PHGR1: variants seen among roughly 807,000 people sequenced by gnomAD.
PHGR1 encodes proline, histidine and glycine rich 1.
Under a neutral mutation model 4.9 loss-of-function variants are expected in PHGR1, and 3 were observed. The observed-to-expected ratio is 0.61, with a 90% CI of 0.28 to 1.58. The LOEUF (loss-of-function observed/expected upper bound fraction) is 1.58, where lower values mean the gene tolerates loss of function less well. Among genes scored for constraint, PHGR1 ranks in the 40% most tolerant of loss-of-function variants. PHGR1 has a pLI of 0.11. For synonymous variants in PHGR1, 32 were observed against 46.1 expected (o/e 0.69, Z 1.24); for missense variants, 81 against 118.7 (o/e 0.68, Z 1.48).
chr15:40,354,219 T>G, intron 2 of PHGR1, 126 bp from the exon 3 acceptor site: 1 of 963,074 alleles, frequency 1.0e-6, no homozygotes, highest in Non-Finnish European at 1.6e-6. Context: ...TGACCATGTC[T>G]GAGAGGCCCT....
At chr15:40,355,861 T>C (rs1399593106) in intron 3 of PHGR1, among the ~76,000 whole-genome samples, 2 of 152,154 alleles carry the variant, frequency 1.3e-5, no homozygotes, top group Non-Finnish European at 2.9e-5. Flanking sequence ...AACCAATAAA[T>C]CTAGGTTGCT....
chr15:40,355,474 C>T (rs573769367), intron 3 of PHGR1, among the ~76,000 whole-genome samples: 65 of 151,988 alleles, frequency 4.3e-4, no homozygotes, highest in African/African-American at 1.5e-3. Flanking sequence ...AAATATGGCA[C>T]ACACCGTCTA....
rs915768547 is a variant in PHGR1, at chr15:40,356,053, G to C, written c.19-20G>C. The C allele has an allele frequency of 1.9e-6, 3 of 1,548,480 alleles. No individual in the cohort carries two copies. Among genetic ancestry groups the C allele is most frequent in the South Asian group, 2.4e-5 (2 of 84,032 alleles). ...AGCCCTGACCTCTGACTCTGACATT[G>C]TTCATTTGACTTTCCACAGGGGCAC... On this transcript the variant is annotated intron_variant, in intron 3 of 3. Transcript: ENST00000448599.
chr15:40,353,043 G>T (rs1392041026), intron 1 of PHGR1, among the ~76,000 whole-genome samples, 189 bp from the exon 2 acceptor site: 2 of 152,028 alleles, frequency 1.3e-5, no homozygotes. Flanking sequence ...GGCACCTACA[G>T]TGCCAGCTCT....
chr15:40,353,288 G>T, intron 2 of PHGR1, 21 bp downstream of exon 2: 1 of 1,551,638 alleles, frequency 6.4e-7, no homozygotes, highest in Non-Finnish European at 8.7e-7. Context: ...TGGCTGAGAG[G>T]CTGGGAATTG....
In PHGR1 at chr15:40,356,135, T is replaced by C. The variant is rs1011319387; in HGVS notation, c.81T>C (p.His27=). 1.9e-6 allele frequency: 3 copies of C among 1,545,532 alleles called. No individual in the cohort carries two copies. In the African/African-American group the frequency reaches 4.1e-5, roughly 21 times the overall value. ...GTCACTGCGGGCCACCCCCTGGCCA[T>C]GGCCCAGGGCCCTGCGGGCCACCCC... ...PPGHCGPPPG[H]GPGPCGPPPH... Residue 27 remains histidine, a synonymous_variant, in exon 4 of 4, where the codon CAT becomes CAC. Transcript: ENST00000448599.
chr15:40,355,532 C>T (rs545683612), intron 3 of PHGR1, among the ~76,000 whole-genome samples: 23 of 152,286 alleles, frequency 1.5e-4, no homozygotes, highest in African/African-American at 5.3e-4. Context: ...CCTCACCTTG[C>T]CACCTCCTAC....
chr15:40,353,986 G>A (rs377696196), intron 2 of PHGR1, among the ~76,000 whole-genome samples: 5 of 152,298 alleles, frequency 3.3e-5, no homozygotes, highest in South Asian at 2.1e-4. Flanking sequence ...CTGCTGGCCT[G>A]GAGGTAGAAG....
At chr15:40,354,248 G>C in intron 2 of PHGR1, 97 bp from the exon 3 acceptor site, 1 of 1,393,860 alleles carries the variant, frequency 7.2e-7, no homozygotes, top group Non-Finnish European at 9.8e-7. Flanking sequence ...AGGGGTGTGG[G>C]CACAAAATCC....
At chr15:40,354,208 G>A in intron 2 of PHGR1, 137 bp from the exon 3 acceptor site, 1 of 851,086 alleles carries the variant, frequency 1.2e-6, no homozygotes, top group South Asian at 1.6e-5. Flanking sequence ...TGTCAGGCAA[G>A]TGACCATGTC....
intron 1 of PHGR1, among the ~76,000 whole-genome samples, chr15:40,351,414 T>C (rs1169173456): frequency 6.6e-6 from 1 of 152,172 alleles, no homozygotes; most frequent in Non-Finnish European, 1.5e-5. Context: ...CTGAGGATTG[T>C]CTTTTCTCTT....
chr15:40,356,171 T>TGCGGGCCACCCCCCCACCATGGC lies in PHGR1; in HGVS notation c.117_118insGCGGGCCACCCCCCCACCATGGC (p.Pro40AlafsTer76), dbSNP rs2141255920. 4 of 963,850 alleles carry TGCGGGCCACCCCCCCACCATGGC rather than the reference T, an allele frequency of 4.2e-6. No individual in the cohort carries two copies. The East Asian group carries it at 1.2e-4, about 28-fold the overall frequency. 59.7% of individuals were successfully genotyped at this position (963,850 alleles called of 1,614,324 possible). A position where few individuals can be genotyped will look rare whatever the true frequency, so the allele number is the denominator to read the frequency against. ...CCTGCGGGCCACCCCCCCACCATGGTCCAGGGCCCTGCGGGCCACCCCCTG... is the reference window on the plus strand; with the variant it reads ...CCTGCGGGCCACCCCCCCACCATGGTGCGGGCCACCCCCCCACCATGGCCCAGGGCCCTGCGGGCCACCCCCTG... On this transcript the variant is annotated frameshift_variant, in exon 4 of 4. Transcript: ENST00000448599. LOFTEE classifies it low-confidence loss of function (END_TRUNC).
chr15:40,356,341 G>C lies in PHGR1; in HGVS notation c.*38G>C. On this transcript the variant is annotated 3_prime_UTR_variant, in exon 4 of 4. Transcript: ENST00000448599. ...AAACAGGACACAAGATGGCAAGCCT[G>C]AGAGAATTGCCCAGCTGACCTGGAA... 6.5e-7 allele frequency: 1 copy of C among 1,549,602 alleles called. No homozygotes were observed. The highest frequency in any genetic ancestry group is 8.7e-7 in the Non-Finnish European group (1 of 1,146,548).
intron 1 of PHGR1, among the ~76,000 whole-genome samples, chr15:40,352,187 A>G (rs1023040027): frequency 1.3e-5 from 2 of 152,136 alleles, no homozygotes; most frequent in Non-Finnish European, 2.9e-5. Context: ...TGTATGACAA[A>G]GTGAGACTGT....
chr15:40,354,204 G>GC (rs1889252849), intron 2 of PHGR1, 141 bp from the exon 3 acceptor site: 2 of 809,860 alleles, frequency 2.5e-6, no homozygotes, highest in Non-Finnish European at 3.9e-6. Flanking sequence ...TGATTGTCAG[G>GC]CAAGTGACCA....
chr15:40,356,197 G>GCCCAGGGCCCTGCGGGCCACCCCCCCA lies in PHGR1; in HGVS notation c.145_146insCAGGGCCCTGCGGGCCACCCCCCCACC (p.Gly48_His49insProGlyProCysGlyProProProHis). ...CCAGGGCCCTGCGGGCCACCCCCTG[G>GCCCAGGGCCCTGCGGGCCACCCCCCCA]CCATGGCCCAGGGCCCTGCGGGCCA... On this transcript the variant is annotated inframe_insertion, in exon 4 of 4. Coordinates refer to ENST00000448599, the MANE Select transcript of PHGR1 (RefSeq NM_001145643.2). The GCCCAGGGCCCTGCGGGCCACCCCCCCA allele has an allele frequency of 3.5e-6, 4 of 1,140,736 alleles. No individual in the cohort carries two copies. The highest frequency in any genetic ancestry group is 4.6e-6 in the Non-Finnish European group (4 of 866,766). 70.7% of individuals were successfully genotyped at this position (1,140,736 alleles called of 1,614,324 possible).
chr15:40,354,211 A>G (rs1889252889), intron 2 of PHGR1, 134 bp from the exon 3 acceptor site: 1 of 864,866 alleles, frequency 1.2e-6, no homozygotes, highest in East Asian at 2.7e-5. Context: ...CAGGCAAGTG[A>G]CCATGTCTGA....
At position 40,356,156 on chromosome 15, in the gene PHGR1, A is replaced by AC. The variant is rs1264440278; in HGVS notation, c.109dup (p.His37ProfsTer50). 1.9e-5 allele frequency: 27 copies of AC among 1,434,282 alleles called. No homozygotes were observed. Among genetic ancestry groups the AC allele is most frequent in the Admixed American group, 2.2e-5 (1 of 44,524 alleles). The allele number at this position is 1,434,282 out of a possible 1,614,324, so 88.8% of individuals were successfully genotyped here. A position where few individuals can be genotyped will look rare whatever the true frequency, so the allele number is the denominator to read the frequency against. On this transcript the variant is annotated frameshift_variant, in exon 4 of 4. Transcript: ENST00000448599. LOFTEE classifies it low-confidence loss of function (END_TRUNC). ...GCCATGGCCCAGGGCCCTGCGGGCCACCCCCCCACCATGGTCCAGGGCCCT... is the reference window on the plus strand; with the variant it reads ...GCCATGGCCCAGGGCCCTGCGGGCCACCCCCCCCACCATGGTCCAGGGCCCT...
At chr15:40,354,537 C>A (rs145041618) in intron 3 of PHGR1, among the ~76,000 whole-genome samples, 185 bp downstream of exon 3, 3 of 151,878 alleles carry the variant, frequency 2.0e-5, no homozygotes, top group Non-Finnish European at 4.4e-5. Context: ...TCCTCCACCC[C>A]CTGCTGGCTG....
Sources: allele counts gnomAD v4.1 joint callset (sites outside exome capture counted in the v4.1 genomes callset), GRCh38; gene constraint gnomAD v4.1.1; transcripts MANE v1.5; gene names NCBI Gene and HGNC (gene_info 2026-07-23, HGNC 2026-07-21).